Variants in NARS2 observed in about 807,000 individuals in gnomAD.
NARS2 encodes the protein asparaginyl-tRNA synthetase 2, mitochondrial.
A neutral mutation model predicts 62.9 loss-of-function variants in NARS2; 60 were observed. The observed-to-expected ratio is 0.95, with a 90% confidence interval of 0.77 to 1.18. The LOEUF (loss-of-function observed/expected upper bound fraction) is 1.18. NARS2 is among the 50% of genes most tolerant of loss of function. NARS2 has a pLI of 0.00. For synonymous variants in NARS2, 196 were observed against 200.0 expected (o/e 0.98, Z 0.17); for missense variants, 619 against 576.4 (o/e 1.07, Z -0.76).
At chr11:78,490,086 C>G (rs1020754814) in intron 7 of NARS2, among the ~76,000 whole-genome samples, 1 of 152,114 alleles carries the variant, frequency 6.6e-6, no homozygotes, top group Non-Finnish European at 1.5e-5. Flanking sequence ...ATAAAACCTG[C>G]ACATAAATAT....
At chr11:78,457,849 A>G (rs1477772668) in intron 11 of NARS2, among the ~76,000 whole-genome samples, 1 of 152,030 alleles carries the variant, frequency 6.6e-6, no homozygotes, top group Non-Finnish European at 1.5e-5. Flanking sequence ...CACACATTGT[A>G]CTTTATCATA....
At chr11:78,490,630 A>G (rs562774918) in intron 7 of NARS2, among the ~76,000 whole-genome samples, 1 of 152,272 alleles carries the variant, frequency 6.6e-6, no homozygotes, top group Non-Finnish European at 1.5e-5. Context: ...CAACCTGGGC[A>G]ACCCCGTTTC....
At chr11:78,474,001 T>A (rs1484437866) in intron 9 of NARS2, among the ~76,000 whole-genome samples, 1 of 152,222 alleles carries the variant, frequency 6.6e-6, no homozygotes, top group Non-Finnish European at 1.5e-5. Context: ...ATCCTCAGCA[T>A]CACACCAACT....
In NARS2 at chr11:78,538,279, C is replaced by G. The variant is rs1422092406; in HGVS notation, c.595-9343G>C. Among the ~76,000 whole-genome samples the G allele has an allele frequency of 2.6e-5, 4 of 152,138 alleles. No homozygotes were observed. The East Asian group carries it at 7.7e-4, about 29-fold the overall frequency. On this transcript the variant is annotated intron_variant, in intron 5 of 13. Transcript: ENST00000281038. The stretch of plus-strand genomic sequence containing the variant: ...CTGCTAATAGCCCCCAACTCCATGC[C>G]TAGACTAGTAAAAATGACCCTTCTC...
At chr11:78,490,550 C>A (rs1859775262) in intron 7 of NARS2, among the ~76,000 whole-genome samples, 1 of 152,120 alleles carries the variant, frequency 6.6e-6, no homozygotes, top group Non-Finnish European at 1.5e-5. Flanking sequence ...GGCATGCTGG[C>A]TCATGCCTGT....
intron 7 of NARS2, among the ~76,000 whole-genome samples, chr11:78,482,208 A>G (rs1414167485): frequency 2.0e-5 from 3 of 152,092 alleles, no homozygotes; most frequent in African/African-American, 7.2e-5. Flanking sequence ...CTCTCTAAAC[A>G]ATTATAACTT....
intron 6 of NARS2, among the ~76,000 whole-genome samples, chr11:78,527,147 T>C (rs538263632): frequency 6.6e-6 from 1 of 152,352 alleles, no homozygotes; most frequent in East Asian, 1.9e-4. Context: ...GTTGGTCCTG[T>C]AGGACATTAA....
chr11:78,468,832 G>C (rs1396819964), intron 10 of NARS2, among the ~76,000 whole-genome samples: 1 of 126,036 alleles, frequency 7.9e-6, no homozygotes, highest in Non-Finnish European at 1.6e-5. Flanking sequence ...GGGTCTCACT[G>C]TATTGCCCAG....
chr11:78,454,252 T>G (rs1858072911), intron 11 of NARS2, among the ~76,000 whole-genome samples: 1 of 152,188 alleles, frequency 6.6e-6, no homozygotes, highest in African/African-American at 2.4e-5. Context: ...CTGATATGGT[T>G]TGGATATTTG....
intron 9 of NARS2, among the ~76,000 whole-genome samples, chr11:78,473,167 TAAAAAC>T (rs747473332): frequency 1.5e-3 from 222 of 152,282 alleles, no homozygotes; most frequent in Middle Eastern, 3.4e-3. Flanking sequence ...TCCTGTCTCT[TAAAAAC>T]AAAAAGTCTA....
chr11:78,448,759 G>T (rs933873640), intron 11 of NARS2, among the ~76,000 whole-genome samples: 1 of 152,218 alleles, frequency 6.6e-6, no homozygotes, highest in East Asian at 1.9e-4. Flanking sequence ...TGATGAGGAA[G>T]ATGAGGCAAT....
At chr11:78,444,735 A>C (rs974161251) in intron 11 of NARS2, among the ~76,000 whole-genome samples, 20 of 151,926 alleles carry the variant, frequency 1.3e-4, no homozygotes, top group African/African-American at 4.6e-4. Flanking sequence ...AACAAAAAAA[A>C]AAAAAAGGGT....
chr11:78,461,466 TAA>T (rs1039842632), intron 11 of NARS2, among the ~76,000 whole-genome samples: 3 of 151,628 alleles, frequency 2.0e-5, no homozygotes, highest in Non-Finnish European at 2.9e-5. Flanking sequence ...CCAAGTAAAA[TAA>T]AGACTTAAAA....
At position 78,574,804 on chromosome 11, in the gene NARS2, C is replaced by T. The variant is rs931910751; in HGVS notation, c.-316G>A. On this transcript the variant is annotated 5_prime_UTR_variant, in exon 1 of 14. Coordinates refer to ENST00000281038, the MANE Select transcript of NARS2 (RefSeq NM_024678.6). ...TGTAAACCTACGAACAGAACCCGGG[C>T]CGCAACACGCGCAACCACTCCTACC... 2 of 308,298 alleles carry T rather than the reference C, an allele frequency of 6.5e-6. No individual in the cohort carries two copies. Among genetic ancestry groups the T allele is most frequent in the Non-Finnish European group, 1.2e-5 (2 of 164,898 alleles). The allele number at this position is 308,298 out of a possible 1,614,324, so 19.1% of individuals were successfully genotyped here. A position where few individuals can be genotyped will look rare whatever the true frequency, so the allele number is the denominator to read the frequency against.
chr11:78,463,559 G>A (rs1042389417), intron 11 of NARS2, among the ~76,000 whole-genome samples: 6 of 151,886 alleles, frequency 4.0e-5, no homozygotes, highest in African/African-American at 1.5e-4. Flanking sequence ...GGCGGCACAC[G>A]CCTATAATCC....
At chr11:78,482,952 G>A (rs1454883086) in intron 7 of NARS2, among the ~76,000 whole-genome samples, 1 of 152,022 alleles carries the variant, frequency 6.6e-6, no homozygotes, top group Non-Finnish European at 1.5e-5. Flanking sequence ...AAAATTTCAG[G>A]CCAATATCCC....
intron 6 of NARS2, among the ~76,000 whole-genome samples, chr11:78,512,334 G>T (rs1860749584): frequency 6.6e-6 from 1 of 152,146 alleles, no homozygotes; most frequent in African/African-American, 2.4e-5. Context: ...ATTATTACCT[G>T]CCAGCTATTT....
At chr11:78,454,487 CCT>C (rs1858084005) in intron 11 of NARS2, among the ~76,000 whole-genome samples, 1 of 152,128 alleles carries the variant, frequency 6.6e-6, no homozygotes, top group Non-Finnish European at 1.5e-5. Context: ...ATGCCTGTTC[CCT>C]CTTTGCCTTT....
intron 6 of NARS2, among the ~76,000 whole-genome samples, chr11:78,512,809 T>C (rs1182483213): frequency 6.6e-6 from 1 of 152,204 alleles, no homozygotes; most frequent in African/African-American, 2.4e-5. Context: ...TGTGAATACA[T>C]ATTTATTCAC....
Sources: allele counts gnomAD v4.1 joint callset (sites outside exome capture counted in the v4.1 genomes callset), GRCh38; gene constraint gnomAD v4.1.1; transcripts MANE v1.5; gene names NCBI Gene and HGNC (gene_info 2026-07-23, HGNC 2026-07-21).